The following MX2 variants were observed in gnomAD, a reference collection of about 807,000 sequenced individuals.
MX2 encodes the protein MX dynamin like GTPase 2, also known as interferon-induced GTP-binding protein Mx2.
In MX2, 51 loss-of-function variants were observed where a neutral mutation model predicts 74.0. That is an observed-to-expected ratio of 0.69 (90% confidence interval 0.55 to 0.87). The LOEUF is 0.87. Among genes scored for constraint, MX2 ranks in the 40% least tolerant of loss-of-function variants. The probability of loss-of-function intolerance (pLI) is 0.00; values close to 1 mark genes in which losing one functional copy is unlikely to be tolerated. For synonymous variants in MX2, 369 were observed against 339.3 expected, an observed-to-expected ratio of 1.09 and a Z score of -0.96; for missense variants, 832 against 908.7, an observed-to-expected ratio of 0.92 and a Z score of 1.09.
chr21:41,371,788 CG>C (rs1369846488), intron 1 of MX2, among the ~76,000 whole-genome samples: 1 of 152,088 alleles, frequency 6.6e-6, no homozygotes, highest in Non-Finnish European at 1.5e-5. Context: ...GTGTGGCAAG[CG>C]GGGTGTCTGC....
intron 6 of MX2, among the ~76,000 whole-genome samples, chr21:41,393,110 CAAAAAAA>C (rs373955778): frequency 5.0e-5 from 3 of 60,086 alleles, no homozygotes; most frequent in African/African-American, 1.0e-4. Context: ...CTCAAAAAAG[CAAAAAAA>C]AAAAAAAAAA....
chr21:41,391,924 T>G (rs1274500053), intron 6 of MX2, among the ~76,000 whole-genome samples: 1 of 152,152 alleles, frequency 6.6e-6, no homozygotes, highest in African/African-American at 2.4e-5. Context: ...ACAGATGATT[T>G]CATCACCCAG....
chr21:41,382,700 T>A, intron 5 of MX2, 136 bp downstream of exon 5: 1 of 1,174,876 alleles, frequency 8.5e-7, no homozygotes, highest in Non-Finnish European at 1.2e-6. Flanking sequence ...CCTGCCCAGG[T>A]GGGGGCCTCA....
chr21:41,372,678 A>G (rs449678), intron 1 of MX2, among the ~76,000 whole-genome samples: 123,491 of 152,210 alleles, frequency 0.81, 50,281 homozygotes, highest in East Asian at 0.99. Flanking sequence ...TTTTGATGTG[A>G]ACAATCACAG....
At chr21:41,385,112 A>C (rs2089552934) in intron 5 of MX2, among the ~76,000 whole-genome samples, 1 of 152,134 alleles carries the variant, frequency 6.6e-6, no homozygotes, top group Non-Finnish European at 1.5e-5. Context: ...CTGGAGTAGC[A>C]CTTCTAATTT....
chr21:41,393,127 A>AAAAAGAAAAAAAAAAAAAAAAG (rs1568944005), intron 6 of MX2, among the ~76,000 whole-genome samples: 1 of 141,966 alleles, frequency 7.0e-6, no homozygotes, highest in Non-Finnish European at 1.5e-5. Flanking sequence ...AAAAAAAAAA[A>AAAAAGAAAAAAAAAAAAAAAAG]AAAAGAAAGA....
intron 8 of MX2, among the ~76,000 whole-genome samples, chr21:41,398,443 CTT>C (rs960360710): frequency 6.6e-6 from 1 of 152,162 alleles, no homozygotes; most frequent in African/African-American, 2.4e-5. Flanking sequence ...TATAGAAAAA[CTT>C]TGGTTTGGCG....
intron 10 of MX2, chr21:41,401,744 C>T (rs1220304619): frequency 9.3e-6 from 4 of 427,854 alleles, no homozygotes; most frequent in Non-Finnish European, 1.6e-5. Context: ...TGATGACTTT[C>T]AATTGAAACA....
At chr21:41,399,796 A>C (rs2089787568) in intron 10 of MX2, 1 of 156,122 alleles carries the variant, frequency 6.4e-6, no homozygotes, top group Admixed American at 6.3e-5. Context: ...TTGAACTCCT[A>C]GGCTAAAGCA....
chr21:41,401,377 T>C (rs2089812286), intron 10 of MX2: 2 of 152,332 alleles, frequency 1.3e-5, no homozygotes, highest in Non-Finnish European at 2.9e-5. Context: ...AGGTAAGGGG[T>C]ACAAGATTAA....
chr21:41,382,224 A>G (rs186567712), intron 4 of MX2, among the ~76,000 whole-genome samples, 186 bp from the exon 5 acceptor site: 1 of 151,968 alleles, frequency 6.6e-6, no homozygotes, highest in East Asian at 1.9e-4. Flanking sequence ...GTGCACCTAC[A>G]TATTAAACAG....
At chr21:41,381,684 CA>C (rs57350601) in intron 4 of MX2, among the ~76,000 whole-genome samples, 9,469 of 58,524 alleles carry the variant, frequency 0.16, 556 homozygotes, top group African/African-American at 0.38. Flanking sequence ...GACTCTGTCT[CA>C]AAAAAAAAAA....
Position 41,399,308 on chromosome 21 carries a change from T to C in MX2, c.1385T>C (p.Val462Ala), listed in dbSNP as rs547903432. 3.0e-5 allele frequency: 49 copies of C among 1,614,080 alleles called. No individual in the cohort carries two copies. Among genetic ancestry groups the C allele is most frequent in the Admixed American group, 2.2e-4 (13 of 60,010 alleles). The change falls in exon 10 of 14, where the codon GTA (valine) becomes GCA (alanine). Residue 462 changes from valine (V) to alanine (A), a missense_variant. Val to Ala is a moderately conservative substitution (Grantham distance 64). Coordinates refer to ENST00000330714, the MANE Select transcript of MX2 (RefSeq NM_002463.2). ...NKIREDFKNW[V>A]GILATNTQKV... ...ATCAGAGAGGATTTTAAAAACTGGG[T>C]AGGCATACTTGCAACTAATACCCAA...
chr21:41,406,972 G>A lies in MX2; in HGVS notation c.1879G>A (p.Gly627Ser). The change falls in exon 13 of 14, where the codon GGC becomes AGC. Residue 627 changes from glycine (G) to serine (S), a missense_variant. By Grantham distance (56) the Gly-to-Ser change is moderately conservative (BLOSUM62 0). Transcript: ENST00000330714. The part of the protein sequence containing the change: ...ESSVSSFTEI[G>S]IHLNAYFLET... ...TTCGGTTTCCTCCTTTACTGAAATA[G>A]GCATCCACCTGAATGCCTACTTCTT... is the stretch of plus-strand genomic sequence containing the variant. 1 of 1,613,188 alleles carries A rather than the reference G, an allele frequency of 6.2e-7. No individual in the cohort carries two copies. The highest frequency in any genetic ancestry group is 8.5e-7 in the Non-Finnish European group (1 of 1,179,194).
chr21:41,371,430 G>A (rs937027866), intron 1 of MX2, among the ~76,000 whole-genome samples: 3 of 152,178 alleles, frequency 2.0e-5, no homozygotes, highest in Non-Finnish European at 4.4e-5. Flanking sequence ...GGTCTGAAAA[G>A]TTTTTGCCTT....
At position 41,397,565 on chromosome 21, in the gene MX2, A is replaced by G. The variant is rs760274916; in HGVS notation, c.1071-48A>G. 15 of 1,555,650 alleles carry G rather than the reference A, an allele frequency of 9.6e-6. No individual in the cohort carries two copies. The East Asian group carries it at 3.1e-4, about 33-fold the overall frequency. On this transcript the variant is annotated intron_variant, in intron 7 of 13. Coordinates refer to ENST00000330714, the MANE Select transcript of MX2 (RefSeq NM_002463.2). ...ACGCACAAAGTCCGGTACTAGCAAG[A>G]TGGTACACAAGTCCTTCCTGAATGC... is the stretch of plus-strand genomic sequence containing the variant.
chr21:41,401,784 C>A (rs886451), intron 10 of MX2, 186 bp from the exon 11 acceptor site: 37,620 of 553,108 alleles, frequency 0.068, 1,941 homozygotes, highest in South Asian at 0.18. Flanking sequence ...TTTTTTCCCC[C>A]AAAAGTCAGT....
At position 41,390,431 on chromosome 21, in the gene MX2, C is replaced by T. The variant is rs1452193142; in HGVS notation, c.733-134C>T. ...GGGCAGGCATTCCCAGGACGGGGCT[C>T]GGCCTAGCAAAGCCCAGAGTCACAC... On this transcript the variant is annotated intron_variant, in intron 5 of 13. Coordinates refer to ENST00000330714, the MANE Select transcript of MX2 (RefSeq NM_002463.2). The T allele has an allele frequency of 1.4e-5, 18 of 1,315,112 alleles. No individual in the cohort carries two copies. In the Admixed American group the frequency reaches 2.5e-4, roughly 18 times the overall value. 81.5% of individuals were successfully genotyped at this position (1,315,112 alleles called of 1,614,324 possible).
At chr21:41,406,705 G>T (rs761027696) in intron 12 of MX2, 39 bp from the exon 13 acceptor site, 6 of 1,585,014 alleles carry the variant, frequency 3.8e-6, no homozygotes, top group South Asian at 1.2e-5. Flanking sequence ...CAGGAAAGAA[G>T]AAAAAGAAGT....
Sources: allele counts gnomAD v4.1 joint callset (sites outside exome capture counted in the v4.1 genomes callset), GRCh38; gene constraint gnomAD v4.1.1; transcripts MANE v1.5; gene names NCBI Gene and HGNC (gene_info 2026-07-23, HGNC 2026-07-21).